CPSF6: variants seen among roughly 807,000 people sequenced by gnomAD.
The protein encoded by CPSF6 is cleavage and polyadenylation specificity factor subunit 6.
Under a neutral mutation model 56.7 loss-of-function variants are expected in CPSF6, and 10 were observed. The observed-to-expected ratio is 0.18, with a 90% CI of 0.11 to 0.30. The LOEUF (loss-of-function observed/expected upper bound fraction) is 0.30. Ranked by LOEUF, CPSF6 falls within the 10% of genes least tolerant of loss-of-function variation. The probability of loss-of-function intolerance (pLI) is 1.00; values close to 1 mark genes in which losing one functional copy is unlikely to be tolerated. For missense variants in CPSF6, 419 were observed against 722.9 expected (o/e 0.58, Z 4.82); for synonymous variants, 248 against 244.8 (o/e 1.01, Z -0.12).
intron 9 of CPSF6, among the ~76,000 whole-genome samples, chr12:69,263,461 G>A (rs1364125470): frequency 6.6e-6 from 1 of 151,838 alleles, no homozygotes; most frequent in African/African-American, 2.4e-5. Flanking sequence ...AGCTGGGGGA[G>A]GGCACTATAA....
Position 69,258,372 on chromosome 12 carries a change from C to T in CPSF6, c.695-218C>T, listed in dbSNP as rs934952199. On this transcript the variant is annotated intron_variant, in intron 5 of 9. Transcript: ENST00000435070. The surrounding 1 kb of genome is among the most constrained non-coding windows in gnomAD (Gnocchi z 4.2). ...TGTAATATTTTTTTATTAAAGTTTT[C>T]GTTTCAATAATTTTTCTTAAGCATA... Among the ~76,000 whole-genome samples, 6 of 152,008 alleles carry T rather than the reference C, an allele frequency of 3.9e-5. No individual in the cohort carries two copies. The highest frequency in any genetic ancestry group is 7.2e-5 in the African/African-American group (3 of 41,380).
Position 69,257,872 on chromosome 12 carries a change from G to A in CPSF6, c.661G>A (p.Ala221Thr). 1 of 1,604,694 alleles carries A rather than the reference G, an allele frequency of 6.2e-7. No homozygotes were observed. The highest frequency in any genetic ancestry group is 8.5e-7 in the Non-Finnish European group (1 of 1,177,010). ...TGGTGGGGACAGATTTCCTGGGCCA[G>A]CAGGACCAGGAGGGCCACCCCCACC... ...VPGGDRFPGP[A>T]GPGGPPPPFP... The change falls in exon 5 of 10, where the codon GCA (alanine) becomes ACA (threonine). Residue 221 changes from alanine (A) to threonine (T), a missense_variant. Physicochemically the swap from Ala to Thr is moderately conservative, Grantham distance 58. Transcript: ENST00000435070.
chr12:69,252,101 G>C (rs763986638), intron 2 of CPSF6: 1 of 454,758 alleles, frequency 2.2e-6, no homozygotes, highest in African/African-American at 2.0e-5. Context: ...GACAGAATTT[G>C]CAAAACTCTG....
chr12:69,268,571 T>A (rs59042479), intron 9 of CPSF6, among the ~76,000 whole-genome samples: 8 of 151,660 alleles, frequency 5.3e-5, no homozygotes, highest in African/African-American at 1.2e-4. Flanking sequence ...TGAAAAAAAA[T>A]TTTAAAAAAC....
chr12:69,266,127 A>C (rs1251330712), intron 9 of CPSF6, among the ~76,000 whole-genome samples: 1 of 152,062 alleles, frequency 6.6e-6, no homozygotes, highest in African/African-American at 2.4e-5. Flanking sequence ...TGAAAATTAA[A>C]TTCTCTTAAT....
At chr12:69,257,598 C>A in intron 4 of CPSF6, 134 bp from the exon 5 acceptor site, 2 of 743,138 alleles carry the variant, frequency 2.7e-6, no homozygotes, top group Middle Eastern at 3.3e-4. Context: ...ACCATACTTT[C>A]TTATGTAGTT....
In CPSF6 at chr12:69,270,466, G is replaced by A. The variant is rs186709037; in HGVS notation, c.*958G>A. 1.1e-4 allele frequency: 17 copies of A among 151,876 alleles called. No individual in the cohort carries two copies. Among genetic ancestry groups the A allele is most frequent in the Non-Finnish European group, 8.9e-5 (6 of 67,666 alleles). 9.4% of individuals were successfully genotyped at this position (151,876 alleles called of 1,614,324 possible). On this transcript the variant is annotated 3_prime_UTR_variant, in exon 10 of 10. Coordinates refer to ENST00000435070, the MANE Select transcript of CPSF6 (RefSeq NM_007007.3). ...GCTGCAATTACTTGCTGTTTTTATT[G>A]ATCTTATGGTTTATTTCTTAAGCCA...
At chr12:69,269,332 G>A (rs1297365817) in intron 9 of CPSF6, among the ~76,000 whole-genome samples, 180 bp from the exon 10 acceptor site, 2 of 151,786 alleles carry the variant, frequency 1.3e-5, no homozygotes, top group Non-Finnish European at 3.0e-5. Flanking sequence ...TTAATCATCA[G>A]GTAAATTGGA....
At chr12:69,261,871 C>T (rs1872756809) in intron 8 of CPSF6, among the ~76,000 whole-genome samples, 2 of 152,146 alleles carry the variant, frequency 1.3e-5, no homozygotes, top group African/African-American at 4.8e-5. Flanking sequence ...TGCCTCTTCT[C>T]CTCCCCTGAA....
Position 69,273,169 on chromosome 12 carries a change from A to G in CPSF6, c.*3661A>G, listed in dbSNP as rs1229251777. On this transcript the variant is annotated 3_prime_UTR_variant, in exon 10 of 10. Transcript: ENST00000435070. ...TAGGCTTCTGGGAGGAAGTTCTTAT[A>G]CTCTTCTTTCTTGGCATTAGAAAGA... The G allele has an allele frequency of 7.8e-6, 4 of 515,294 alleles. No individual in the cohort carries two copies. Among genetic ancestry groups the G allele is most frequent in the Non-Finnish European group, 1.6e-5 (4 of 252,844 alleles). 31.9% of individuals were successfully genotyped at this position (515,294 alleles called of 1,614,324 possible).
chr12:69,274,107 G>T lies in CPSF6; in HGVS notation c.*4599G>T, dbSNP rs1415275301. 1 of 62,712 alleles carries T rather than the reference G, an allele frequency of 1.6e-5. No homozygotes were observed. 3.9% of individuals were successfully genotyped at this position (62,712 alleles called of 1,614,324 possible). On this transcript the variant is annotated 3_prime_UTR_variant, in exon 10 of 10. Transcript: ENST00000435070. ...AGGTAAGGTGATAATTGATCTAATA[G>T]ACTTTTTTTTTTTTTTTTTTGCTGT...
At chr12:69,241,833 T>C (rs1212474475) in intron 1 of CPSF6, among the ~76,000 whole-genome samples, 2 of 152,170 alleles carry the variant, frequency 1.3e-5, no homozygotes, top group Admixed American at 6.5e-5. Context: ...GAGGCATTGT[T>C]TTTGCTACTT....
intron 3 of CPSF6, among the ~76,000 whole-genome samples, chr12:69,256,185 A>G (rs1283919972): frequency 6.6e-6 from 1 of 152,186 alleles, no homozygotes; most frequent in Admixed American, 6.5e-5. Flanking sequence ...GTCCAGAGAC[A>G]GAAATTAGGT....
At chr12:69,259,158 T>C in intron 6 of CPSF6, 64 bp downstream of exon 6, 6 of 1,493,048 alleles carry the variant, frequency 4.0e-6, no homozygotes, top group Non-Finnish European at 5.4e-6. Flanking sequence ...ACTGTAAATA[T>C]TAGATTGTAG....
intron 1 of CPSF6, among the ~76,000 whole-genome samples, chr12:69,248,755 C>G (rs1034110516): frequency 6.6e-6 from 1 of 152,070 alleles, no homozygotes; most frequent in African/African-American, 2.4e-5. Flanking sequence ...ACCTTGAGAT[C>G]CCAGACCCCT....
rs745511074 is a variant in CPSF6, at chr12:69,260,025, C to G, written c.1316-19C>G. The G allele has an allele frequency of 6.2e-7, 1 of 1,607,532 alleles. No individual in the cohort carries two copies. The highest frequency in any genetic ancestry group is 1.3e-5 in the African/African-American group (1 of 74,490). ...AAACAAAATTTGTTTGACTTCAAAC[C>G]CTTTCCTTTCCCTCACAGGTGATTA... is the stretch of plus-strand genomic sequence containing the variant. On this transcript the variant is annotated intron_variant, in intron 7 of 9. Coordinates refer to ENST00000435070, the MANE Select transcript of CPSF6 (RefSeq NM_007007.3).
chr12:69,263,209 G>A (rs887196144), intron 9 of CPSF6, among the ~76,000 whole-genome samples: 1 of 151,930 alleles, frequency 6.6e-6, no homozygotes, highest in African/African-American at 2.4e-5. Context: ...AATGGGTTTA[G>A]GGTGCACTGA....
In CPSF6 at chr12:69,273,681, T is replaced by C. The variant is rs926495158; in HGVS notation, c.*4173T>C. 2.0e-5 allele frequency: 3 copies of C among 151,956 alleles called. No individual in the cohort carries two copies. The highest frequency in any genetic ancestry group is 4.8e-5 in the African/African-American group (2 of 41,436). The allele number at this position is 151,956 out of a possible 1,614,324, so 9.4% of individuals were successfully genotyped here. A position where few individuals can be genotyped will look rare whatever the true frequency, so the allele number is the denominator to read the frequency against. The stretch of plus-strand genomic sequence containing the variant: ...AAGTTAAATTATTTTAAAATAACTA[T>C]GGTGAATTCATGTTTATTTTTTTAC... On this transcript the variant is annotated 3_prime_UTR_variant, in exon 10 of 10. Coordinates refer to ENST00000435070, the MANE Select transcript of CPSF6 (RefSeq NM_007007.3).
chr12:69,262,628 A>G, intron 9 of CPSF6, 66 bp downstream of exon 9: 1 of 1,510,342 alleles, frequency 6.6e-7, no homozygotes. Context: ...CTCCAAGGCT[A>G]CTGTTTATAC....
Sources: allele counts gnomAD v4.1 joint callset (sites outside exome capture counted in the v4.1 genomes callset), GRCh38; gene constraint gnomAD v4.1.1; non-coding constraint Gnocchi (gnomAD v3.1); transcripts MANE v1.5; gene names NCBI Gene and HGNC (gene_info 2026-07-23, HGNC 2026-07-21).